Variants in MAGED1 observed in about 807,000 individuals in gnomAD.
MAGED1 encodes melanoma-associated antigen D1.
In MAGED1, 3 loss-of-function variants were observed where a neutral mutation model predicts 54.1. The ratio of observed to expected loss-of-function variants is 0.06; its 90% CI spans 0.03 to 0.14. MAGED1 has a LOEUF of 0.14. Ranked by LOEUF, MAGED1 falls within the 10% of genes least tolerant of loss-of-function variation. The probability of loss-of-function intolerance (pLI) is 1.00; values close to 1 mark genes in which losing one functional copy is unlikely to be tolerated. For missense variants in MAGED1, 485 were observed against 623.4 expected, an observed-to-expected ratio of 0.78 and a Z score of 2.36; for synonymous variants, 217 against 227.3, an observed-to-expected ratio of 0.95 and a Z score of 0.41.
intron 1 of MAGED1, among the ~76,000 whole-genome samples, chrX:51,818,041 C>G (rs782818168): frequency 1.8e-5 from 2 of 111,730 alleles, no homozygotes; most frequent in East Asian, 5.7e-4. Flanking sequence ...CAATATGACA[C>G]TAATGACAAT....
intron 2 of MAGED1, 129 bp from the exon 3 acceptor site, chrX:51,894,923 GC>G: frequency 3.3e-6 from 3 of 903,687 alleles, no homozygotes; most frequent in Non-Finnish European, 4.5e-6. Context: ...CTCTGCCTCA[GC>G]CCCCCTGTTT....
At position 51,896,469 on chromosome X, in the gene MAGED1, G is replaced by C; in HGVS notation, c.814G>C (p.Ala272Pro). The C allele has an allele frequency of 8.3e-7, 1 of 1,211,280 alleles. No homozygotes were observed. Among genetic ancestry groups the C allele is most frequent in the Non-Finnish European group, 1.1e-6 (1 of 895,015 alleles). Residue 272 changes from alanine (A) to proline (P), a missense_variant, in exon 4 of 13, where the codon GCA becomes CCA. Ala to Pro is a conservative substitution (Grantham distance 27). Transcript: ENST00000326587. Reference protein sequence around the residue: ...SGDQRRAPLAAGTWRSAPVPV... With the variant: ...SGDQRRAPLAPGTWRSAPVPV... Reference sequence around the variant, plus strand: ...GGATCAGAGGCGGGCCCCACTGGCTGCAGGGACCTGGAGGTCTGCACCAGT... The same window carrying C: ...GGATCAGAGGCGGGCCCCACTGGCTCCAGGGACCTGGAGGTCTGCACCAGT...
intron 1 of MAGED1, among the ~76,000 whole-genome samples, chrX:51,888,113 G>T (rs782473343): frequency 9.0e-6 from 1 of 111,337 alleles, no homozygotes. Context: ...AGCACAATAG[G>T]GTGACTATAG....
intron 1 of MAGED1, among the ~76,000 whole-genome samples, chrX:51,862,320 G>A (rs1927311883): frequency 9.0e-6 from 1 of 110,932 alleles, no homozygotes; most frequent in Non-Finnish European, 1.9e-5. Context: ...GCCTAAAATA[G>A]TGCCTGATAC....
chrX:51,847,412 A>T, intron 1 of MAGED1, among the ~76,000 whole-genome samples: 1 of 111,568 alleles, frequency 9.0e-6, no homozygotes, highest in Non-Finnish European at 1.9e-5. Context: ...AGATTTATTG[A>T]GTTCATTTTT....
At chrX:51,812,279 A>C (rs1450062980) in intron 1 of MAGED1, among the ~76,000 whole-genome samples, 2 of 112,049 alleles carry the variant, frequency 1.8e-5, no homozygotes, top group African/African-American at 6.5e-5. Flanking sequence ...AGACGATGTA[A>C]AGTAGCTGAC....
intron 1 of MAGED1, among the ~76,000 whole-genome samples, chrX:51,814,966 T>TAAAA (rs782352592): frequency 5.5e-5 from 4 of 72,101 alleles, no homozygotes; most frequent in Non-Finnish European, 1.1e-4. Flanking sequence ...ACCTCTCTCT[T>TAAAA]AAAAAAAAAA....
intron 1 of MAGED1, among the ~76,000 whole-genome samples, chrX:51,876,385 A>G (rs1279035691): frequency 7.2e-5 from 8 of 110,817 alleles, no homozygotes; most frequent in Non-Finnish European, 1.1e-4. Flanking sequence ...AACCTGAGTA[A>G]TCATGAGAAA....
intron 1 of MAGED1, among the ~76,000 whole-genome samples, chrX:51,818,212 T>G (rs1925501575): frequency 9.0e-6 from 1 of 111,713 alleles, no homozygotes; most frequent in Non-Finnish European, 1.9e-5. Context: ...TTATACACCA[T>G]TAGAGTGACA....
intron 1 of MAGED1, among the ~76,000 whole-genome samples, chrX:51,853,440 A>T (rs1307550029): frequency 8.9e-6 from 1 of 112,080 alleles, no homozygotes; most frequent in African/African-American, 3.2e-5. Flanking sequence ...GCCTGCTTCC[A>T]TTCACCCTCC....
intron 1 of MAGED1, among the ~76,000 whole-genome samples, chrX:51,813,649 A>G (rs1444042027): frequency 1.8e-5 from 2 of 111,829 alleles, no homozygotes; most frequent in Non-Finnish European, 3.8e-5. Context: ...TGAACACTGG[A>G]ATCAAAATTT....
In MAGED1 at chrX:51,898,216, G is replaced by A. The variant is rs782594843; in HGVS notation, c.1738+23G>A. On this transcript the variant is annotated intron_variant, in intron 8 of 12. Coordinates refer to ENST00000326587, the MANE Select transcript of MAGED1 (RefSeq NM_006986.4). ...AGGGTGAGTGGCTGGACCTGCAGCT[G>A]GGGGTTGGCCACAGCCTGATTTCCA... is the stretch of plus-strand genomic sequence containing the variant. 2.0e-5 allele frequency: 24 copies of A among 1,205,758 alleles called. No individual in the cohort carries two copies. In the South Asian group the frequency reaches 2.1e-4, roughly 11 times the overall value.
At chrX:51,897,957 C>A in intron 7 of MAGED1, 71 bp downstream of exon 7, 1 of 927,304 alleles carries the variant, frequency 1.1e-6, no homozygotes, top group Non-Finnish European at 1.5e-6. Context: ...TCACGTAGAT[C>A]AGGGTCCAGG....
At chrX:51,838,230 T>G (rs933615842) in intron 1 of MAGED1, among the ~76,000 whole-genome samples, 3 of 112,628 alleles carry the variant, frequency 2.7e-5, no homozygotes, top group African/African-American at 9.7e-5. Flanking sequence ...ATGAAGAGGT[T>G]CTGTATAGTT....
chrX:51,860,480 C>T (rs1335492290), intron 1 of MAGED1, among the ~76,000 whole-genome samples: 1 of 111,374 alleles, frequency 9.0e-6, no homozygotes, highest in Admixed American at 9.5e-5. Flanking sequence ...GGATGATGCC[C>T]AGTTGTCTTT....
At chrX:51,826,321 A>G (rs1309170370) in intron 1 of MAGED1, among the ~76,000 whole-genome samples, 1 of 112,151 alleles carries the variant, frequency 8.9e-6, no homozygotes, top group African/African-American at 3.2e-5. Flanking sequence ...GCCTAAGGTC[A>G]TGCAAGTTTT....
intron 1 of MAGED1, among the ~76,000 whole-genome samples, chrX:51,845,875 A>G (rs1323911653): frequency 1.8e-5 from 2 of 111,352 alleles, no homozygotes; most frequent in African/African-American, 6.5e-5. Flanking sequence ...TCCCAAGTTC[A>G]GGTGATCTTC....
intron 1 of MAGED1, among the ~76,000 whole-genome samples, chrX:51,884,591 A>G (rs948875296): frequency 1.8e-5 from 2 of 112,061 alleles, no homozygotes; most frequent in Non-Finnish European, 3.8e-5. Context: ...TTTCTACACA[A>G]TCTCATCCAG....
chrX:51,853,154 C>G (rs1320794753), intron 1 of MAGED1, among the ~76,000 whole-genome samples: 1 of 111,567 alleles, frequency 9.0e-6, no homozygotes, highest in Non-Finnish European at 1.9e-5. Context: ...ATTTTGAGTA[C>G]TGTATTTTTT....
Sources: allele counts gnomAD v4.1 joint callset (sites outside exome capture counted in the v4.1 genomes callset), GRCh38; gene constraint gnomAD v4.1.1; transcripts MANE v1.5; gene names NCBI Gene and HGNC (gene_info 2026-07-23, HGNC 2026-07-21).